Variants in CARS1 observed in about 807,000 individuals in gnomAD.
CARS1 encodes the protein cysteine--tRNA ligase, cytoplasmic.
A neutral mutation model predicts 106.2 loss-of-function variants in CARS1; 48 were observed. The ratio of observed to expected loss-of-function variants is 0.45; its 90% CI spans 0.36 to 0.57. The LOEUF (loss-of-function observed/expected upper bound fraction) is 0.57, where lower values mean the gene tolerates loss of function less well. Among genes scored for constraint, CARS1 ranks in the 20% least tolerant of loss-of-function variants. The pLI is 0.00. For synonymous variants in CARS1, 409 were observed against 403.4 expected (o/e 1.01, Z -0.17); for missense variants, 968 against 1,057.2 (o/e 0.92, Z 1.17).
chr11:3,057,411 T>G lies in CARS1; in HGVS notation c.-44A>C, dbSNP rs544843145. The G allele has an allele frequency of 6.3e-7, 1 of 1,583,608 alleles. No homozygotes were observed. On this transcript the variant is annotated 5_prime_UTR_variant, in exon 1 of 23. Coordinates refer to ENST00000380525, the MANE Select transcript of CARS1 (RefSeq NM_001014437.3). Reference sequence around the variant, plus strand: ...CGCAGCTGCGGCTACAGACACTTCCTAGAATCTGATGCAACCGCCGCCCCG... The same window carrying G: ...CGCAGCTGCGGCTACAGACACTTCCGAGAATCTGATGCAACCGCCGCCCCG...
At position 3,017,750 on chromosome 11, in the gene CARS1, G is replaced by T; in HGVS notation, c.1727+107C>A. 1.3e-6 allele frequency: 1 copy of T among 743,106 alleles called. No homozygotes were observed. Among genetic ancestry groups the T allele is most frequent in the Non-Finnish European group, 2.4e-6 (1 of 424,880 alleles). The allele number at this position is 743,106 out of a possible 1,614,324, so 46.0% of individuals were successfully genotyped here. On this transcript the variant is annotated intron_variant, in intron 15 of 22. Transcript: ENST00000380525. This position sits in a 1 kb window ranked among gnomAD's most constrained non-coding sequence, Gnocchi z 4.9. ...TTAATTCTGCACAACGTACGACAGT[G>T]TCCCCAGCCCTTCCTCGACAGTCCA...
rs548899468 is a variant in CARS1, at chr11:3,051,349, A to G, written c.26-3348T>C. On this transcript the variant is annotated intron_variant, in intron 1 of 22. Coordinates refer to ENST00000380525, the MANE Select transcript of CARS1 (RefSeq NM_001014437.3). ...GGCCTCTCACCTGCCCCATCCCCAC[A>G]GTTACAGGCCCAGTGTCAGCACTGA... Among the ~76,000 whole-genome samples, 232 of 152,260 alleles carry G rather than the reference A, an allele frequency of 1.5e-3. 1 individual carries two copies. Among genetic ancestry groups the G allele is most frequent in the African/African-American group, 5.2e-3 (218 of 41,570 alleles).
Position 3,038,032 on chromosome 11 carries a change from A to G in CARS1, c.801+18T>C. ...ATTTGACCCGAACGGGCTGTCTGGG[A>G]GATGTGTGAAGCCTCACCTCCACAC... On this transcript the variant is annotated intron_variant, in intron 7 of 22. Transcript: ENST00000380525. This position sits in a 1 kb window ranked among gnomAD's most constrained non-coding sequence, Gnocchi z 4.0. 6.2e-7 allele frequency: 1 copy of G among 1,605,672 alleles called. No individual in the cohort carries two copies. The highest frequency in any genetic ancestry group is 8.5e-7 in the Non-Finnish European group (1 of 1,173,484).
intron 10 of CARS1, 66 bp downstream of exon 10, chr11:3,026,610 A>T (rs1852103683): frequency 6.3e-7 from 1 of 1,580,222 alleles, no homozygotes; most frequent in African/African-American, 1.4e-5. Context: ...GTGGCCTGCA[A>T]AGTCAACACA....
chr11:3,056,312 T>A (rs1274877688), intron 1 of CARS1, among the ~76,000 whole-genome samples: 1 of 152,168 alleles, frequency 6.6e-6, no homozygotes. Context: ...CCAAAAGAAT[T>A]AAAAACTAGA....
Position 3,048,938 on chromosome 11 carries a change from G to A in CARS1, c.26-937C>T, listed in dbSNP as rs982381878. ...TCAAGGACCCAAGAGCCACTGTTCC[G>A]CATGTCACCATTGGGAGGAGGAGCA... On this transcript the variant is annotated intron_variant, in intron 1 of 22. Coordinates refer to ENST00000380525, the MANE Select transcript of CARS1 (RefSeq NM_001014437.3). This position sits in a 1 kb window ranked among gnomAD's most constrained non-coding sequence, Gnocchi z 5.1. Among the ~76,000 whole-genome samples the A allele has an allele frequency of 1.3e-5, 2 of 152,256 alleles. No homozygotes were observed. Among genetic ancestry groups the A allele is most frequent in the South Asian group, 2.1e-4 (1 of 4,824 alleles).
Position 3,004,458 on chromosome 11 carries a change from A to T in CARS1, c.2217+908T>A, listed in dbSNP as rs576508864. 1.3e-5 allele frequency among the ~76,000 whole-genome samples: 2 copies of T among 152,162 alleles called. No homozygotes were observed. Among genetic ancestry groups the T allele is most frequent in the South Asian group, 4.1e-4 (2 of 4,826 alleles). On this transcript the variant is annotated intron_variant, in intron 20 of 22. Transcript: ENST00000380525. This position sits in a 1 kb window ranked among gnomAD's most constrained non-coding sequence, Gnocchi z 5.2. The stretch of plus-strand genomic sequence containing the variant: ...TTCCTCCCAGAGCCTCCTTCCTGAG[A>T]GCTGTGGCATCCAAACTCGCCCTCC...
chr11:3,004,872 C>T lies in CARS1; in HGVS notation c.2217+494G>A, dbSNP rs1219871270. 6.6e-6 allele frequency among the ~76,000 whole-genome samples: 1 copy of T among 152,126 alleles called. No individual in the cohort carries two copies. The highest frequency in any genetic ancestry group is 1.5e-5 in the Non-Finnish European group (1 of 68,018). On this transcript the variant is annotated intron_variant, in intron 20 of 22. Transcript: ENST00000380525. The surrounding 1 kb of genome is among the most constrained non-coding windows in gnomAD (Gnocchi z 5.2). ...CCTGTAATCCCAGCACTTTGGGAGG[C>T]CAAGGTGGGTGGATCACGAGGTCAG...
chr11:3,011,034 C>T (rs776709845), intron 18 of CARS1, among the ~76,000 whole-genome samples: 1 of 152,228 alleles, frequency 6.6e-6, no homozygotes, highest in Non-Finnish European at 1.5e-5. Flanking sequence ...CAGTGTGACC[C>T]GGCCAGGGCT....
rs552240582 is a variant in CARS1 at position 3,036,562 on chromosome 11, T to A, written c.801+1488A>T. Among the ~76,000 whole-genome samples, 3 of 152,314 alleles carry A rather than the reference T, an allele frequency of 2.0e-5. No homozygotes were observed. In the East Asian group the frequency reaches 5.8e-4, roughly 29 times the overall value. ...AGGATGTGGAGAAAACAGAACCCCATGCACTATGGGTGGGAATGTGTAATA... is the reference window on the plus strand; with the variant it reads ...AGGATGTGGAGAAAACAGAACCCCAAGCACTATGGGTGGGAATGTGTAATA... On this transcript the variant is annotated intron_variant, in intron 7 of 22. Transcript: ENST00000380525.
In CARS1 at chr11:3,015,934, C is replaced by T. The variant is rs1220014776; in HGVS notation, c.1918-85G>A. ...GCAGCTGTGAGCTGTGTTCCTCGTT[C>T]ACGGGAGGGGGTGCCCCAAGACCAG... On this transcript the variant is annotated intron_variant, in intron 16 of 22. Transcript: ENST00000380525. 5.2e-6 allele frequency: 6 copies of T among 1,154,138 alleles called. No homozygotes were observed. In the African/African-American group the frequency reaches 9.1e-5, roughly 17 times the overall value. 71.5% of individuals were successfully genotyped at this position (1,154,138 alleles called of 1,614,324 possible). A position where few individuals can be genotyped will look rare whatever the true frequency, so the allele number is the denominator to read the frequency against.
chr11:3,041,162 G>A lies in CARS1; in HGVS notation c.367-178C>T, dbSNP rs764646371. ...TCAGTGGGAGCCCAGTGAGATGTAC[G>A]GCACCTCCCACCAACTGAGCCCTGG... On this transcript the variant is annotated intron_variant, in intron 3 of 22. Coordinates refer to ENST00000380525, the MANE Select transcript of CARS1 (RefSeq NM_001014437.3). This position sits in a 1 kb window ranked among gnomAD's most constrained non-coding sequence, Gnocchi z 4.9. 9.2e-5 allele frequency: 85 copies of A among 928,578 alleles called. No individual in the cohort carries two copies. The East Asian group carries it at 2.3e-3, about 25-fold the overall frequency. The allele number at this position is 928,578 out of a possible 1,614,324, so 57.5% of individuals were successfully genotyped here.
At chr11:3,057,102 C>A (rs1393458318) in intron 1 of CARS1, among the ~76,000 whole-genome samples, 1 of 152,032 alleles carries the variant, frequency 6.6e-6, no homozygotes, top group Admixed American at 6.6e-5. Flanking sequence ...GGCACTGACA[C>A]CCCTCAGACC....
intron 7 of CARS1, among the ~76,000 whole-genome samples, chr11:3,033,129 CTTGT>C (rs1309909968): frequency 2.0e-5 from 3 of 150,802 alleles, no homozygotes; most frequent in African/African-American, 4.9e-5. Context: ...TGTTTTGGTT[CTTGT>C]TTTTGTTTTT....
rs750611475 is a variant in CARS1 at position 3,041,552 on chromosome 11, C to T, written c.367-568G>A. Among the ~76,000 whole-genome samples the T allele has an allele frequency of 2.0e-5, 3 of 152,106 alleles. No individual in the cohort carries two copies. The highest frequency in any genetic ancestry group is 4.4e-5 in the Non-Finnish European group (3 of 68,038). On this transcript the variant is annotated intron_variant, in intron 3 of 22. Transcript: ENST00000380525. The surrounding 1 kb of genome is among the most constrained non-coding windows in gnomAD (Gnocchi z 4.9). ...ACCTCTCTGGGGGCATCATCCTCAA[C>T]CAGTTTCCCAAGGAAGGCCATGAAC...
chr11:3,006,149 A>G (rs1344986424), intron 19 of CARS1, among the ~76,000 whole-genome samples: 1 of 152,208 alleles, frequency 6.6e-6, no homozygotes, highest in Non-Finnish European at 1.5e-5. Context: ...ATGTACAACT[A>G]TTATGTATCC....
At chr11:3,056,740 C>T (rs772737929) in intron 1 of CARS1, among the ~76,000 whole-genome samples, 3 of 152,200 alleles carry the variant, frequency 2.0e-5, no homozygotes, top group Non-Finnish European at 2.9e-5. Context: ...CCAAAACAAC[C>T]CTTGGGCCTT....
At position 3,029,671 on chromosome 11, in the gene CARS1, G is replaced by C. The variant is rs1852509639; in HGVS notation, c.802-228C>G. On this transcript the variant is annotated intron_variant, in intron 7 of 22. Coordinates refer to ENST00000380525, the MANE Select transcript of CARS1 (RefSeq NM_001014437.3). This position sits in a 1 kb window ranked among gnomAD's most constrained non-coding sequence, Gnocchi z 5.9. ...TCTCACATGAACTCAGAGGAGCAAA[G>C]CCAAGGGGACTGTGGGTGCAGAGGC... 3.7e-6 allele frequency: 2 copies of C among 547,900 alleles called. No homozygotes were observed. The highest frequency in any genetic ancestry group is 3.3e-5 in the Admixed American group (1 of 30,442). 33.9% of individuals were successfully genotyped at this position (547,900 alleles called of 1,614,324 possible).
intron 16 of CARS1, among the ~76,000 whole-genome samples, chr11:3,016,200 C>A (rs943552035): frequency 6.6e-6 from 1 of 150,728 alleles, no homozygotes; most frequent in African/African-American, 2.4e-5. Context: ...AGAGAGGAGG[C>A]CTTGTCCCTG....
Sources: gnomAD v4.1 joint callset for allele counts (sites outside exome capture counted in the v4.1 genomes callset) on GRCh38, gnomAD v4.1.1 for gene constraint, Gnocchi (gnomAD v3.1) non-coding constraint, MANE v1.5 for transcripts, NCBI Gene and HGNC (gene_info 2026-07-23, HGNC 2026-07-21) for gene names.